C10orf67: variants seen among roughly 807,000 people sequenced by gnomAD.
C10orf67 encodes the protein uncharacterized protein C10orf67, mitochondrial.
Under a neutral mutation model 35.6 loss-of-function variants are expected in C10orf67, and 60 were observed. The ratio of observed to expected loss-of-function variants is 1.68; its 90% CI spans 1.37 to 2.09. The LOEUF is 2.09. C10orf67 is among the 30% of genes most tolerant of loss of function. The pLI, the probability that C10orf67 is intolerant of heterozygous loss-of-function variation, is 0.00. For missense variants in C10orf67, 474 were observed against 330.2 expected (o/e 1.44, Z -3.38); for synonymous variants, 167 against 115.8 (o/e 1.44, Z -2.84).
intron 13 of C10orf67, among the ~76,000 whole-genome samples, chr10:23,232,243 C>A (rs1841933133): frequency 6.6e-6 from 1 of 152,122 alleles, no homozygotes; most frequent in South Asian, 2.1e-4. Context: ...CATGAAACAA[C>A]ATAATTTAGA....
At chr10:23,267,061 G>T in intron 9 of C10orf67, 134 bp downstream of exon 9, 1 of 591,000 alleles carries the variant, frequency 1.7e-6, no homozygotes, top group East Asian at 2.8e-5. Flanking sequence ...TCACTTTCAA[G>T]AACTTTCTTT....
At chr10:23,294,392 CACACACACACAGAA>C (rs923964395) in intron 5 of C10orf67, among the ~76,000 whole-genome samples, 5 of 152,130 alleles carry the variant, frequency 3.3e-5, no homozygotes, top group African/African-American at 9.7e-5. Context: ...CACAGAAACA[CACACACACACAGAA>C]ACACACACAC....
Position 23,319,068 on chromosome 10 carries a change from G to A in C10orf67, c.546+1673C>T, listed in dbSNP as rs914597691. The A allele has an allele frequency of 1.3e-4, 86 of 648,626 alleles. 1 individual carries two copies. The highest frequency in any genetic ancestry group is 7.0e-4 in the South Asian group (40 of 57,150). 40.2% of individuals were successfully genotyped at this position (648,626 alleles called of 1,614,324 possible). ...GGTTTATTACATGGGTAAATTGCAC[G>A]TCACAGGGTTTGGTGTACAGATTAT... On this transcript the variant is annotated intron_variant, in intron 4 of 15. Transcript: ENST00000636213.
intron 13 of C10orf67, among the ~76,000 whole-genome samples, chr10:23,228,298 C>T (rs1033166391): frequency 2.0e-5 from 3 of 152,124 alleles, no homozygotes; most frequent in African/African-American, 7.2e-5. Flanking sequence ...CATCTACAAC[C>T]ATCTGATCTT....
chr10:23,245,453 C>G lies in C10orf67; in HGVS notation c.1346+5002G>C, dbSNP rs569370731. Among the ~76,000 whole-genome samples, 39 of 152,210 alleles carry G rather than the reference C, an allele frequency of 2.6e-4. No homozygotes were observed. In the South Asian group the frequency reaches 4.4e-3, roughly 17 times the overall value. ...GGAATGGAAGAAAACATTTGCAAAC[C>G]ATACATCTTATCTGATAAGGGGTTA... is the stretch of plus-strand genomic sequence containing the variant. On this transcript the variant is annotated intron_variant, in intron 12 of 15. Transcript: ENST00000636213.
chr10:23,336,430 T>A (rs1198004925), intron 1 of C10orf67, among the ~76,000 whole-genome samples: 1 of 152,184 alleles, frequency 6.6e-6, no homozygotes, highest in Non-Finnish European at 1.5e-5. Context: ...TTCTGTCCAA[T>A]GAGAGGGCCT....
intron 10 of C10orf67, among the ~76,000 whole-genome samples, chr10:23,253,386 T>C (rs1842513142): frequency 6.6e-6 from 1 of 152,170 alleles, no homozygotes; most frequent in African/African-American, 2.4e-5. Flanking sequence ...ACAATCCACG[T>C]GAACCACCTC....
chr10:23,230,507 A>G (rs566629544), intron 13 of C10orf67, among the ~76,000 whole-genome samples: 11 of 152,206 alleles, frequency 7.2e-5, no homozygotes, highest in Non-Finnish European at 1.3e-4. Flanking sequence ...AAAGCCAGAA[A>G]AAGATTAAAA....
chr10:23,305,093 T>C (rs1225010276), intron 4 of C10orf67, among the ~76,000 whole-genome samples: 1 of 152,178 alleles, frequency 6.6e-6, no homozygotes, highest in Non-Finnish European at 1.5e-5. Context: ...GGAGGAAGTG[T>C]CTGCTCATCC....
At chr10:23,297,262 C>A in intron 5 of C10orf67, among the ~76,000 whole-genome samples, 1 of 135,418 alleles carries the variant, frequency 7.4e-6, no homozygotes, top group African/African-American at 3.0e-5. Context: ...CTTTCCTTTC[C>A]TTTCCTTTCT....
intron 10 of C10orf67, among the ~76,000 whole-genome samples, chr10:23,262,818 G>T (rs1842787564): frequency 6.6e-6 from 1 of 152,052 alleles, no homozygotes; most frequent in South Asian, 2.1e-4. Flanking sequence ...CCTTTCAGCT[G>T]GATTTTAAAT....
intron 10 of C10orf67, among the ~76,000 whole-genome samples, chr10:23,260,099 A>C (rs1348779280): frequency 6.6e-6 from 1 of 152,160 alleles, no homozygotes; most frequent in African/African-American, 2.4e-5. Context: ...TTTATTATCC[A>C]GCTGTTGAAA....
At chr10:23,315,840 A>G (rs1008049343) in intron 4 of C10orf67, among the ~76,000 whole-genome samples, 1 of 151,830 alleles carries the variant, frequency 6.6e-6, no homozygotes, top group Non-Finnish European at 1.5e-5. Context: ...TCTTTTAGAG[A>G]CAGGGTCATG....
chr10:23,297,965 G>A (rs1743122470), intron 5 of C10orf67, among the ~76,000 whole-genome samples: 1 of 152,146 alleles, frequency 6.6e-6, no homozygotes, highest in African/African-American at 2.4e-5. Context: ...TAAACAATGA[G>A]GCCAACCCGG....
At chr10:23,341,409 C>A (rs1037236765) in intron 1 of C10orf67, among the ~76,000 whole-genome samples, 3 of 152,182 alleles carry the variant, frequency 2.0e-5, no homozygotes, top group African/African-American at 7.2e-5. Flanking sequence ...ACAGTCTCTC[C>A]GGACCTCCAA....
At position 23,337,740 on chromosome 10, in the gene C10orf67, T is replaced by C. The variant is rs148629452; in HGVS notation, c.207-4558A>G. On this transcript the variant is annotated intron_variant, in intron 1 of 15. Transcript: ENST00000636213. ...AAAAATTGAACCATGCCTACTAAAGTTGAAGCCCTGAGAACCCAACCCGAG... is the reference window on the plus strand; with the variant it reads ...AAAAATTGAACCATGCCTACTAAAGCTGAAGCCCTGAGAACCCAACCCGAG... Among the ~76,000 whole-genome samples the C allele has an allele frequency of 3.5e-3, 537 of 152,180 alleles. 1 individual carries two copies. Among genetic ancestry groups the C allele is most frequent in the Middle Eastern group, 6.8e-3 (2 of 294 alleles).
intron 1 of C10orf67, among the ~76,000 whole-genome samples, chr10:23,340,896 A>C (rs115888122): frequency 1.0e-3 from 158 of 152,336 alleles, no homozygotes; most frequent in African/African-American, 3.7e-3. Flanking sequence ...ATTTTGGAAA[A>C]CAGACCTATG....
intron 2 of C10orf67, among the ~76,000 whole-genome samples, chr10:23,326,044 G>A (rs1190135025): frequency 1.3e-5 from 2 of 152,106 alleles, no homozygotes; most frequent in Non-Finnish European, 2.9e-5. Flanking sequence ...AGAGTTTAGG[G>A]ACTTGTGAGT....
intron 13 of C10orf67, among the ~76,000 whole-genome samples, chr10:23,235,623 C>T (rs1290247823): frequency 2.0e-5 from 3 of 152,100 alleles, no homozygotes; most frequent in Non-Finnish European, 2.9e-5. Context: ...CTGAACTGTA[C>T]ATTTAAAAAT....
Sources: gnomAD v4.1 joint callset for allele counts (sites outside exome capture counted in the v4.1 genomes callset) on GRCh38, gnomAD v4.1.1 for gene constraint, MANE v1.5 for transcripts, NCBI Gene and HGNC (gene_info 2026-07-23, HGNC 2026-07-21) for gene names.